Variants in SLC12A1 observed in about 807,000 individuals in gnomAD.
The protein encoded by SLC12A1 is Na-K-2Cl cotransporter.
Under a neutral mutation model 130.4 loss-of-function variants are expected in SLC12A1, and 89 were observed. That is an observed-to-expected ratio of 0.68 (90% CI 0.58 to 0.81). The LOEUF is 0.81. Ranked by LOEUF, SLC12A1 falls within the 40% of genes least tolerant of loss-of-function variation. SLC12A1 has a pLI of 0.00. For missense variants in SLC12A1, 1,310 were observed against 1,336.4 expected, an observed-to-expected ratio of 0.98 and a Z score of 0.31; for synonymous variants, 499 against 460.0, an observed-to-expected ratio of 1.08 and a Z score of -1.09.
rs745754321 is a variant in SLC12A1, at chr15:48,288,455, G to C, written c.2812G>C (p.Asp938His). 8 of 1,555,598 alleles carry C rather than the reference G, an allele frequency of 5.1e-6. No individual in the cohort carries two copies. In the South Asian group the frequency reaches 7.1e-5, roughly 14 times the overall value. Residue 938 changes from aspartate to histidine, a missense_variant, in exon 23 of 27, where the codon GAC becomes CAC. Transcript: ENST00000380993. ...YILTLRKKWKDCKLRIYVGGK... is the reference protein window; with the variant it reads ...YILTLRKKWKHCKLRIYVGGK... ...CTTAACTCTCAGAAAAAAATGGAAA[G>C]ACTGTAAATTAAGAATCTATGTGGG...
At chr15:48,264,402 G>C (rs1256819282) in intron 17 of SLC12A1, among the ~76,000 whole-genome samples, 1 of 151,996 alleles carries the variant, frequency 6.6e-6, no homozygotes, top group African/African-American at 2.4e-5. Context: ...GCATAAGGAA[G>C]GCAGTTCAAG....
chr15:48,270,393 TAAG>T (rs1347045318), intron 19 of SLC12A1, among the ~76,000 whole-genome samples: 2 of 151,972 alleles, frequency 1.3e-5, no homozygotes, highest in Non-Finnish European at 2.9e-5. Flanking sequence ...TTAATTCTCA[TAAG>T]AAGATTTCGA....
At chr15:48,244,390 T>C (rs2041553725) in intron 10 of SLC12A1, among the ~76,000 whole-genome samples, 1 of 152,192 alleles carries the variant, frequency 6.6e-6, no homozygotes, top group Non-Finnish European at 1.5e-5. Context: ...AGGAAATAAA[T>C]CCTTCTACTT....
intron 4 of SLC12A1, chr15:48,221,234 C>A: frequency 1.5e-6 from 1 of 674,406 alleles, no homozygotes. Flanking sequence ...AGATCTCTCT[C>A]TTTTGATAGA....
chr15:48,247,021 T>C lies in SLC12A1; in HGVS notation c.1560+5T>C, dbSNP rs201043997. 2.0e-5 allele frequency: 32 copies of C among 1,601,818 alleles called. No individual in the cohort carries two copies. Among genetic ancestry groups the C allele is most frequent in the Non-Finnish European group, 2.6e-5 (30 of 1,168,978 alleles). On this transcript the variant is annotated splice_donor_5th_base_variant and intron_variant, in intron 12 of 26. Transcript: ENST00000380993. Reference sequence around the variant, plus strand: ...AGCGCACCCAAAGTGTTCCAGGTAATACAAGCACAACAGCTTGTGCTTCTC... The same window carrying C: ...AGCGCACCCAAAGTGTTCCAGGTAACACAAGCACAACAGCTTGTGCTTCTC...
At chr15:48,239,122 C>T (rs892257075) in intron 9 of SLC12A1, among the ~76,000 whole-genome samples, 5 of 152,142 alleles carry the variant, frequency 3.3e-5, no homozygotes, top group Non-Finnish European at 5.9e-5. Flanking sequence ...TGTCAAAGTC[C>T]TCCTGAACCC....
At chr15:48,265,810 G>A (rs189944928) in intron 17 of SLC12A1, among the ~76,000 whole-genome samples, 6 of 152,224 alleles carry the variant, frequency 3.9e-5, no homozygotes, top group Non-Finnish European at 7.4e-5. Flanking sequence ...GAGATTGAAT[G>A]TTGTGTAATA....
intron 10 of SLC12A1, 23 bp from the exon 11 acceptor site, chr15:48,244,730 A>T (rs369610615): frequency 2.5e-6 from 4 of 1,613,126 alleles, no homozygotes; most frequent in Non-Finnish European, 3.4e-6. Context: ...TAAAGAAATA[A>T]CAAGCCACGG....
Position 48,273,905 on chromosome 15 carries a change from T to C in SLC12A1, c.2403-666T>C, listed in dbSNP as rs539294745. Among the ~76,000 whole-genome samples the C allele has an allele frequency of 7.2e-5, 11 of 152,330 alleles. No homozygotes were observed. In the South Asian group the frequency reaches 2.3e-3, roughly 32 times the overall value. ...AAGTATTAATTGACTTGCTTCCATA[T>C]TTAGCACCAGAGAAAACATTTATCT... On this transcript the variant is annotated intron_variant, in intron 19 of 26. Coordinates refer to ENST00000380993, the MANE Select transcript of SLC12A1 (RefSeq NM_000338.3).
At chr15:48,266,177 T>A (rs1340828675) in intron 17 of SLC12A1, among the ~76,000 whole-genome samples, 1 of 152,172 alleles carries the variant, frequency 6.6e-6, no homozygotes, top group East Asian at 1.9e-4. Flanking sequence ...AGAGGACAAA[T>A]GGCAGACCCA....
intron 21 of SLC12A1, among the ~76,000 whole-genome samples, chr15:48,285,923 C>G (rs1012252814): frequency 2.0e-5 from 3 of 152,200 alleles, no homozygotes; most frequent in Non-Finnish European, 4.4e-5. Flanking sequence ...ATGAGGTCCA[C>G]AGTGACCTCT....
At chr15:48,230,883 C>T (rs1278857977) in intron 7 of SLC12A1, among the ~76,000 whole-genome samples, 1 of 152,198 alleles carries the variant, frequency 6.6e-6, no homozygotes, top group Non-Finnish European at 1.5e-5. Context: ...GTGTTGAGAA[C>T]ATAAGAGAGG....
At chr15:48,287,291 A>G (rs1403699679) in intron 21 of SLC12A1, among the ~76,000 whole-genome samples, 1 of 152,190 alleles carries the variant, frequency 6.6e-6, no homozygotes, top group Admixed American at 6.5e-5. Context: ...ATTTAAAAAA[A>G]TTGTAACTAT....
chr15:48,223,249 T>C (rs1476481186), intron 4 of SLC12A1: 1 of 152,218 alleles, frequency 6.6e-6, no homozygotes, highest in East Asian at 1.9e-4. Flanking sequence ...ATAAGAATTA[T>C]CTGGGAAGTT....
At chr15:48,291,236 C>A (rs2042116599) in intron 23 of SLC12A1, among the ~76,000 whole-genome samples, 1 of 139,708 alleles carries the variant, frequency 7.2e-6, no homozygotes, top group Admixed American at 7.1e-5. Context: ...TATCAGTTGC[C>A]AGGAAAAAAC....
intron 2 of SLC12A1, among the ~76,000 whole-genome samples, chr15:48,215,896 C>G (rs2041114878): frequency 6.6e-6 from 1 of 152,144 alleles, no homozygotes; most frequent in Non-Finnish European, 1.5e-5. Context: ...GGAGGACGTA[C>G]CCTGAATGAA....
chr15:48,265,063 A>G, intron 17 of SLC12A1, among the ~76,000 whole-genome samples: 1 of 152,178 alleles, frequency 6.6e-6, no homozygotes, highest in East Asian at 1.9e-4. Context: ...GGCATATTTG[A>G]ATGTTGAATA....
intron 6 of SLC12A1, among the ~76,000 whole-genome samples, chr15:48,229,808 G>A (rs1466521859): frequency 6.6e-6 from 1 of 152,228 alleles, no homozygotes; most frequent in Non-Finnish European, 1.5e-5. Context: ...GATGTCGCAT[G>A]TGCAAGCACA....
intron 4 of SLC12A1, chr15:48,224,788 T>A (rs1009486728): frequency 6.6e-6 from 1 of 152,200 alleles, no homozygotes; most frequent in Non-Finnish European, 1.5e-5. Context: ...CTCCAAATAA[T>A]CCTTATGCCA....
Sources: gnomAD v4.1 joint callset for allele counts (sites outside exome capture counted in the v4.1 genomes callset) on GRCh38, gnomAD v4.1.1 for gene constraint, MANE v1.5 for transcripts, NCBI Gene and HGNC (gene_info 2026-07-23, HGNC 2026-07-21) for gene names.